The following MRPL38 variants were observed in gnomAD, a reference collection of about 807,000 sequenced individuals.
The protein encoded by MRPL38 is large ribosomal subunit protein mL38.
Under a neutral mutation model 52.1 loss-of-function variants are expected in MRPL38, and 51 were observed. The observed-to-expected ratio is 0.98, with a 90% CI of 0.78 to 1.24. The LOEUF (loss-of-function observed/expected upper bound fraction) is 1.24, where lower values mean the gene tolerates loss of function less well. Among genes scored for constraint, MRPL38 ranks in the 50% most tolerant of loss-of-function variants. The pLI, the probability that MRPL38 is intolerant of heterozygous loss-of-function variation, is 0.00. For missense variants in MRPL38, 527 were observed against 518.6 expected (o/e 1.02, Z -0.16); for synonymous variants, 245 against 212.7 (o/e 1.15, Z -1.32).
At position 75,900,807 on chromosome 17, in the gene MRPL38, G is replaced by A. The variant is rs1371733708; in HGVS notation, c.710+175C>T. The A allele has an allele frequency of 2.4e-5, 34 of 1,425,880 alleles. 1 individual carries two copies. Among genetic ancestry groups the A allele is most frequent in the South Asian group, 4.7e-5 (3 of 64,284 alleles). 88.3% of individuals were successfully genotyped at this position (1,425,880 alleles called of 1,614,324 possible). A position where few individuals can be genotyped will look rare whatever the true frequency, so the allele number is the denominator to read the frequency against. Reference sequence around the variant, plus strand: ...ACTGCAAACTTTGTCTCCTGTAGCTGTCTTCAAGTAGACACGTGGATCCCA... The same window carrying A: ...ACTGCAAACTTTGTCTCCTGTAGCTATCTTCAAGTAGACACGTGGATCCCA... On this transcript the variant is annotated intron_variant, in intron 6 of 8. Coordinates refer to ENST00000309352, the MANE Select transcript of MRPL38 (RefSeq NM_032478.4).
Position 75,898,850 on chromosome 17 carries a change from T to G in MRPL38, c.1143A>C (p.Ter381TyrextTer50). The change falls in exon 9 of 9, where the codon TAA (stop) becomes TAC (tyrosine). Residue 381 changes from the stop codon to tyrosine, a stop_lost. Transcript: ENST00000309352. ...TCTGAAATGCGCACACTCTGGCTCC[T>G]TAGTAGATGCCATAGGTGGGCTCAT... ...DSHEPTYGIY[*>Y] 6.2e-7 allele frequency: 1 copy of G among 1,611,966 alleles called. No individual in the cohort carries two copies.
In MRPL38 at chr17:75,901,934, A is replaced by C. The variant is rs770263581; in HGVS notation, c.383-14T>G. 1.5e-6 allele frequency: 2 copies of C among 1,346,116 alleles called. No individual in the cohort carries two copies. The allele number at this position is 1,346,116 out of a possible 1,614,324, so 83.4% of individuals were successfully genotyped here. A position where few individuals can be genotyped will look rare whatever the true frequency, so the allele number is the denominator to read the frequency against. ...GCGGGACACTGGCTAGACAGGAATA[A>C]GGCCAGTTGGGATACGGGGGTGGGG... On this transcript the variant is annotated splice_polypyrimidine_tract_variant and intron_variant, in intron 3 of 8. Coordinates refer to ENST00000309352, the MANE Select transcript of MRPL38 (RefSeq NM_032478.4). This position sits in a 1 kb window ranked among gnomAD's most constrained non-coding sequence, Gnocchi z 5.7.
intron 2 of MRPL38, chr17:75,902,390 C>T: frequency 1.9e-6 from 1 of 528,524 alleles, no homozygotes; most frequent in Admixed American, 3.5e-5. Flanking sequence ...GTAGTGTGAG[C>T]CACTGCGCCC....
At chr17:75,902,266 G>A in intron 2 of MRPL38, 112 bp from the exon 3 acceptor site, 1 of 1,230,360 alleles carries the variant, frequency 8.1e-7, no homozygotes, top group Non-Finnish European at 1.1e-6. Flanking sequence ...ATCTCATCTG[G>A]CTAATTTTTG....
chr17:75,898,752 A>C lies in MRPL38; in HGVS notation c.*98T>G. 1.3e-6 allele frequency: 2 copies of C among 1,486,104 alleles called. No individual in the cohort carries two copies. The highest frequency in any genetic ancestry group is 1.8e-6 in the Non-Finnish European group (2 of 1,092,288). 92.1% of individuals were successfully genotyped at this position (1,486,104 alleles called of 1,614,324 possible). On this transcript the variant is annotated 3_prime_UTR_variant, in exon 9 of 9. Coordinates refer to ENST00000309352, the MANE Select transcript of MRPL38 (RefSeq NM_032478.4). ...GGGGGCCAAAGAGGGGGGCTGCCTAAGGCAGGGCCCAGACCCCACAGTGTG... is the reference window on the plus strand; with the variant it reads ...GGGGGCCAAAGAGGGGGGCTGCCTACGGCAGGGCCCAGACCCCACAGTGTG...
intron 6 of MRPL38, chr17:75,900,666 A>G: frequency 1.2e-6 from 1 of 811,158 alleles, no homozygotes; most frequent in Admixed American, 4.4e-5. Flanking sequence ...GGCTGCAATT[A>G]GCCATGATTG....
chr17:75,900,935 C>T (rs371166961), intron 6 of MRPL38, 47 bp downstream of exon 6: 1 of 1,580,020 alleles, frequency 6.3e-7, no homozygotes, highest in African/African-American at 1.6e-5. Flanking sequence ...CCCAGCTCCT[C>T]TTCCCGCCTG....
chr17:75,904,768 C>CGGGGGGGGGGGGGGGG, intron 1 of MRPL38, 41 bp downstream of exon 1: 1 of 1,056,388 alleles, frequency 9.5e-7, no homozygotes, highest in South Asian at 1.6e-5. Context: ...GCTCGGGCGA[C>CGGGGGGGGGGGGGGGG]AGCCCCCCCC....
chr17:75,900,713 C>A, intron 6 of MRPL38: 1 of 1,212,616 alleles, frequency 8.2e-7, no homozygotes, highest in Non-Finnish European at 1.0e-6. Flanking sequence ...AGAGTGAGAC[C>A]CTGTCTCAAA....
At chr17:75,904,750 G>T (rs775353726) in intron 1 of MRPL38, 31 bp from the exon 2 acceptor site, 1 of 1,312,720 alleles carries the variant, frequency 7.6e-7, no homozygotes, top group Non-Finnish European at 1.0e-6. Flanking sequence ...TAAGGCCGGC[G>T]CCCCACAGCT....
chr17:75,902,218 C>T, intron 2 of MRPL38, 64 bp from the exon 3 acceptor site: 3 of 1,512,786 alleles, frequency 2.0e-6, no homozygotes, highest in Non-Finnish European at 2.7e-6. Context: ...ACCTCCCCAA[C>T]TCAGTCTCCT....
Position 75,904,861 on chromosome 17 carries a change from C to T in MRPL38, c.15G>A (p.Trp5Ter), listed in dbSNP as rs929573492. The T allele has an allele frequency of 6.5e-7, 1 of 1,527,146 alleles. No homozygotes were observed. Among genetic ancestry groups the T allele is most frequent in the Non-Finnish European group, 8.7e-7 (1 of 1,143,950 alleles). 94.6% of individuals were successfully genotyped at this position (1,527,146 alleles called of 1,614,324 possible). Residue 5 changes from tryptophan to a stop codon, truncating the protein, a stop_gained, in exon 1 of 9, where the codon TGG (tryptophan) becomes TGA (stop). Coordinates refer to ENST00000309352, the MANE Select transcript of MRPL38 (RefSeq NM_032478.4). LOFTEE classifies it high-confidence loss of function. ...GACACTCGCACAGCGCGGCTCGCCA[C>T]CAGGGCGCCGCCATCTTCCCTCCGG... The part of the protein sequence containing the change: MAAP[W>*]WRAALCECRR...
chr17:75,904,770 G>GGCCCCCCCCCCCCCCCCCGGGGGCCCC, intron 1 of MRPL38, 39 bp downstream of exon 1: 1 of 500,008 alleles, frequency 2.0e-6, no homozygotes, highest in Non-Finnish European at 2.8e-6. Context: ...TCGGGCGACA[G>GGCCCCCCCCCCCCCCCCCGGGGGCCCC]CCCCCCCCCC....
chr17:75,898,978 C>G lies in MRPL38; in HGVS notation c.1015G>C (p.Glu339Gln), dbSNP rs2065390865. The change falls in exon 9 of 9, where the codon GAG (glutamate) becomes CAG (glutamine). Residue 339 changes from glutamate (E) to glutamine (Q), a missense_variant. By Grantham distance (29) the Glu-to-Gln change is conservative. Coordinates refer to ENST00000309352, the MANE Select transcript of MRPL38 (RefSeq NM_032478.4). ...YIFHQLLDMR[E>Q]PVFEFVRPPP... is the part of the protein sequence containing the mutation. ...GGCCGCACGAACTCAAACACCGGCT[C>G]CCGCATGTCTGCAAGAAGAGTGAGG... is the stretch of plus-strand genomic sequence containing the variant. 1 of 1,597,284 alleles carries G rather than the reference C, an allele frequency of 6.3e-7. No homozygotes were observed. Among genetic ancestry groups the G allele is most frequent in the African/African-American group, 1.3e-5 (1 of 74,836 alleles).
chr17:75,904,551 C>T lies in MRPL38; in HGVS notation c.236G>A (p.Gly79Glu). 3 of 1,557,232 alleles carry T rather than the reference C, an allele frequency of 1.9e-6. No individual in the cohort carries two copies. Among genetic ancestry groups the T allele is most frequent in the Non-Finnish European group, 2.6e-6 (3 of 1,161,762 alleles). ...HWWRTYREYF[G>E]EKTDPKEKID... ...CAGTCGCCCCGCACCTGTCTTCTCC[C>T]CGAAATACTCTCGGTAGGTCCGCCA... Residue 79 changes from glycine to glutamate, a missense_variant, in exon 2 of 9, where the codon GGG becomes GAG. Physicochemically the swap from Gly to Glu is moderately conservative, Grantham distance 98 (BLOSUM62 -2). Coordinates refer to ENST00000309352, the MANE Select transcript of MRPL38 (RefSeq NM_032478.4).
chr17:75,901,642 C>T lies in MRPL38; in HGVS notation c.591+70G>A. ...AACAAAATTCCAAACCCAGGAGTGT[C>T]TGTGACACTGAGATGGGATGTGTCT... is the stretch of plus-strand genomic sequence containing the variant. On this transcript the variant is annotated intron_variant, in intron 4 of 8. Transcript: ENST00000309352. The surrounding 1 kb of genome is among the most constrained non-coding windows in gnomAD (Gnocchi z 5.7). 1 of 1,359,824 alleles carries T rather than the reference C, an allele frequency of 7.4e-7. No homozygotes were observed. The highest frequency in any genetic ancestry group is 1.2e-5 in the South Asian group (1 of 84,588). The allele number at this position is 1,359,824 out of a possible 1,614,324, so 84.2% of individuals were successfully genotyped here.
At chr17:75,904,374 G>T in intron 2 of MRPL38, 166 bp downstream of exon 2, 7 of 778,154 alleles carry the variant, frequency 9.0e-6, no homozygotes, top group Non-Finnish European at 1.6e-5. Context: ...AAAATCCTGG[G>T]GTGATTAAGC....
chr17:75,902,295 G>A, intron 2 of MRPL38, 141 bp from the exon 3 acceptor site: 2 of 978,540 alleles, frequency 2.0e-6, no homozygotes, highest in South Asian at 3.4e-5. Flanking sequence ...GTAGAGACAG[G>A]GTTTTGCCAC....
chr17:75,901,682 C>CA lies in MRPL38; in HGVS notation c.591+29dup. ...GGGATGTGTCTGTGTTTGCACAGGG[C>CA]AGGGAGGAGGGGCACAAGTGAGTGG... is the stretch of plus-strand genomic sequence containing the variant. On this transcript the variant is annotated intron_variant, in intron 4 of 8. Coordinates refer to ENST00000309352, the MANE Select transcript of MRPL38 (RefSeq NM_032478.4). The surrounding 1 kb of genome is among the most constrained non-coding windows in gnomAD (Gnocchi z 5.7). 1 of 1,591,766 alleles carries CA rather than the reference C, an allele frequency of 6.3e-7. No homozygotes were observed. Among genetic ancestry groups the CA allele is most frequent in the Non-Finnish European group, 8.6e-7 (1 of 1,160,064 alleles).
Sources: gnomAD v4.1 joint callset for allele counts on GRCh38, gnomAD v4.1.1 for gene constraint, Gnocchi (gnomAD v3.1) non-coding constraint, MANE v1.5 for transcripts, NCBI Gene and HGNC (gene_info 2026-07-23, HGNC 2026-07-21) for gene names.